The following NXPE2 variants were observed in gnomAD, a reference collection of about 807,000 sequenced individuals.
The protein encoded by NXPE2 is NXPE family member 2.
In NXPE2, 34 loss-of-function variants were observed where a neutral mutation model predicts 34.4. The observed-to-expected ratio is 0.99, with a 90% CI of 0.75 to 1.31. The LOEUF is 1.31. NXPE2 is among the 40% of genes most tolerant of loss of function. NXPE2 has a pLI of 0.00. For missense variants in NXPE2, 649 were observed against 672.5 expected (o/e 0.97, Z 0.39); for synonymous variants, 235 against 231.3 (o/e 1.02, Z -0.15).
At chr11:114,745,899 G>T in the NXPE2 span, among the ~76,000 whole-genome samples, 1 of 151,860 alleles carries the variant, frequency 6.6e-6, no homozygotes, top group Non-Finnish European at 1.5e-5. Context: ...TGCTAAACAT[G>T]TATTATGCCT....
At chr11:114,616,236 G>A in the NXPE2 span, among the ~76,000 whole-genome samples, 1 of 151,172 alleles carries the variant, frequency 6.6e-6, no homozygotes, top group Admixed American at 6.6e-5. Flanking sequence ...TTGCCTCACT[G>A]GTAACCACTG....
the NXPE2 span, among the ~76,000 whole-genome samples, chr11:114,738,236 T>G: frequency 2.0e-5 from 3 of 152,078 alleles, no homozygotes; most frequent in Non-Finnish European, 1.5e-5. Flanking sequence ...AAATAGAGAG[T>G]AAATCTTTGT....
At chr11:114,648,827 C>T in the NXPE2 span, among the ~76,000 whole-genome samples, 1 of 152,064 alleles carries the variant, frequency 6.6e-6, no homozygotes, top group Non-Finnish European at 1.5e-5. Context: ...AACTTAAATA[C>T]TTGATATCTT....
At chr11:114,475,224 CTGTTTTTTTTTTTTTTTT>C in the NXPE2 span, among the ~76,000 whole-genome samples, 1 of 72,864 alleles carries the variant, frequency 1.4e-5, no homozygotes, top group South Asian at 4.9e-4. Flanking sequence ...TTAATGTGAA[CTGTTTTTTTTTTTTTTTT>C]TTTTTTTTTT....
the NXPE2 span, among the ~76,000 whole-genome samples, chr11:114,771,082 T>C: frequency 2.0e-5 from 3 of 152,256 alleles, no homozygotes; most frequent in Non-Finnish European, 2.9e-5. Flanking sequence ...GCAGGACATA[T>C]GGTGGATACT....
At chr11:114,639,490 GTC>G in the NXPE2 span, among the ~76,000 whole-genome samples, 1 of 151,530 alleles carries the variant, frequency 6.6e-6, no homozygotes, top group Admixed American at 6.6e-5. Context: ...TGTGCCCACT[GTC>G]TGGCACTCCC....
chr11:114,510,417 A>G, the NXPE2 span, among the ~76,000 whole-genome samples: 3 of 152,028 alleles, frequency 2.0e-5, no homozygotes, highest in Non-Finnish European at 2.9e-5. Context: ...ATTTTTTTTC[A>G]TAGAGATGGG....
chr11:114,723,282 A>C, the NXPE2 span, among the ~76,000 whole-genome samples: 1 of 152,166 alleles, frequency 6.6e-6, no homozygotes, highest in Admixed American at 6.5e-5. Context: ...CAATACACTG[A>C]AAAATTTACA....
the NXPE2 span, among the ~76,000 whole-genome samples, chr11:114,502,808 C>A: frequency 3.0e-4 from 46 of 152,096 alleles, no homozygotes; most frequent in African/African-American, 1.1e-3. Context: ...TATGAAAAAC[C>A]TGTGTGGTTT....
At chr11:114,513,224 T>C in the NXPE2 span, 73 of 531,318 alleles carry the variant, frequency 1.4e-4, no homozygotes, top group Middle Eastern at 9.7e-4. Context: ...CCTCCTGTAG[T>C]GCGTGTCTCG....
chr11:114,477,534 CA>C, the NXPE2 span, among the ~76,000 whole-genome samples: 1 of 151,680 alleles, frequency 6.6e-6, no homozygotes, highest in African/African-American at 2.4e-5. Flanking sequence ...CAACACCCTC[CA>C]CAAAAAAAGG....
At chr11:114,581,780 A>G in the NXPE2 span, 1 of 1,607,756 alleles carries the variant, frequency 6.2e-7, no homozygotes, top group Middle Eastern at 1.7e-4. Flanking sequence ...CTACACCCAC[A>G]TTTGACCTTA....
chr11:114,694,854 T>TA (rs60813031), intron 2 of NXPE2, among the ~76,000 whole-genome samples: 7 of 152,008 alleles, frequency 4.6e-5, no homozygotes, highest in African/African-American at 1.7e-4. Flanking sequence ...GTATTTTTTT[T>TA]ATTAGAGCCC....
At chr11:114,640,086 GTAATA>G in the NXPE2 span, among the ~76,000 whole-genome samples, 16,716 of 119,010 alleles carry the variant, frequency 0.14, 1,407 homozygotes, top group East Asian at 0.39. Context: ...ATAATATAAT[GTAATA>G]TAATATATGA....
At chr11:114,724,659 C>G in the NXPE2 span, among the ~76,000 whole-genome samples, 1 of 151,970 alleles carries the variant, frequency 6.6e-6, no homozygotes, top group East Asian at 1.9e-4. Flanking sequence ...TAATCATCCT[C>G]CATTGCACAC....
chr11:114,545,254 A>T, the NXPE2 span, among the ~76,000 whole-genome samples: 1 of 152,222 alleles, frequency 6.6e-6, no homozygotes, highest in African/African-American at 2.4e-5. Flanking sequence ...CCACACAAAT[A>T]CCTGCACATG....
chr11:114,673,952 G>A (rs1950828687), upstream of NXPE2, among the ~76,000 whole-genome samples: 1 of 151,786 alleles, frequency 6.6e-6, no homozygotes, highest in Non-Finnish European at 1.5e-5. Context: ...CCATGACAAT[G>A]TCATTTATCA....
the NXPE2 span, among the ~76,000 whole-genome samples, chr11:114,467,769 T>A: frequency 6.6e-6 from 1 of 151,924 alleles, no homozygotes; most frequent in Non-Finnish European, 1.5e-5. Context: ...ACCCCATCTC[T>A]ACAAAAAATA....
At chr11:114,650,545 A>G in the NXPE2 span, among the ~76,000 whole-genome samples, 131,834 of 152,138 alleles carry the variant, frequency 0.87, 57,777 homozygotes, top group Non-Finnish European at 0.92. Flanking sequence ...AGGAAGGGCA[A>G]GTACTGTTCT....
Sources: gnomAD v4.1 joint callset for allele counts (sites outside exome capture counted in the v4.1 genomes callset) on GRCh38, gnomAD v4.1.1 for gene constraint, MANE v1.5 for transcripts, NCBI Gene and HGNC (gene_info 2026-07-23, HGNC 2026-07-21) for gene names.